OPRM1: variants seen among roughly 807,000 people sequenced by gnomAD.
OPRM1 encodes the protein mu-type opioid receptor.
In OPRM1, 27 loss-of-function variants were observed where a neutral mutation model predicts 31.8. That is an observed-to-expected ratio of 0.85 (90% CI 0.63 to 1.17). The LOEUF (loss-of-function observed/expected upper bound fraction) is 1.17, where lower values mean the gene tolerates loss of function less well. OPRM1 is among the 50% of genes most tolerant of loss of function. The pLI is 0.00. For synonymous variants in OPRM1, 196 were observed against 189.9 expected, an observed-to-expected ratio of 1.03 and a Z score of -0.26; for missense variants, 536 against 511.1, an observed-to-expected ratio of 1.05 and a Z score of -0.47.
chr6:154,229,353 T>G (rs1326931808), intron 3 of OPRM1, among the ~76,000 whole-genome samples: 1 of 147,392 alleles, frequency 6.8e-6, no homozygotes, highest in Non-Finnish European at 1.5e-5. Context: ...CCGGTTTTTT[T>G]TTTTTTTTTT....
intron 3 of OPRM1, chr6:154,107,576 G>C (rs1046690178): frequency 1.4e-6 from 1 of 718,534 alleles, no homozygotes; most frequent in South Asian, 1.5e-5. Flanking sequence ...CATTAATTTT[G>C]AGTTTGCAAA....
At chr6:154,057,496 A>G (rs1461585000) in intron 1 of OPRM1, among the ~76,000 whole-genome samples, 2 of 152,196 alleles carry the variant, frequency 1.3e-5, no homozygotes, top group African/African-American at 2.4e-5. Flanking sequence ...CACCAAGCCC[A>G]TCAATGTGAT....
At chr6:154,198,763 C>T (rs1345789824) in intron 3 of OPRM1, among the ~76,000 whole-genome samples, 2 of 152,060 alleles carry the variant, frequency 1.3e-5, no homozygotes, top group Admixed American at 1.3e-4. Flanking sequence ...AAGAAACATT[C>T]CCTGATTAGG....
chr6:154,022,095 T>C (rs1230536232), intron 1 of OPRM1, among the ~76,000 whole-genome samples: 6 of 152,246 alleles, frequency 3.9e-5, no homozygotes, highest in African/African-American at 1.2e-4. Flanking sequence ...CCATTAAGTA[T>C]GACGTTAGCT....
chr6:154,068,240 C>G (rs1390695358), intron 1 of OPRM1, among the ~76,000 whole-genome samples: 2 of 152,088 alleles, frequency 1.3e-5, no homozygotes, highest in South Asian at 4.1e-4. Context: ...ACAACATTCA[C>G]TCTCAGCATT....
chr6:154,010,959 C>G, exon 1 of OPRM1: 2 of 1,296,312 alleles, frequency 1.5e-6, no homozygotes, highest in Middle Eastern at 2.1e-4. Flanking sequence ...CTCTGATATC[C>G]TCTCACACTG....
intron 3 of OPRM1, among the ~76,000 whole-genome samples, chr6:154,229,947 T>C (rs1329493812): frequency 6.6e-6 from 1 of 152,174 alleles, no homozygotes; most frequent in African/African-American, 2.4e-5. Context: ...TTCTGCTAAG[T>C]GAAAGTGAAA....
chr6:154,231,409 C>T (rs1390865963), intron 3 of OPRM1, among the ~76,000 whole-genome samples: 2 of 152,220 alleles, frequency 1.3e-5, no homozygotes, highest in African/African-American at 2.4e-5. Context: ...TCTGTCCTAA[C>T]TATACCTTGG....
At chr6:154,108,846 C>A (rs1795997687) in intron 3 of OPRM1, 1 of 985,060 alleles carries the variant, frequency 1.0e-6, no homozygotes, top group Non-Finnish European at 1.2e-6. Context: ...AGATAAAAAA[C>A]CAAGCATACT....
Position 154,121,038 on chromosome 6 carries a change from A to G in OPRM1, c.*2317A>G, listed in dbSNP as rs1410898114. ...TTTGCTAGAACCACCTTCCAATTCCAAGGCAAGGAGAGACATTACAACCCT... is the reference window on the plus strand; with the variant it reads ...TTTGCTAGAACCACCTTCCAATTCCGAGGCAAGGAGAGACATTACAACCCT... On this transcript the variant is annotated 3_prime_UTR_variant, in exon 4 of 4. Coordinates refer to ENST00000330432, the MANE Select transcript of OPRM1 (RefSeq NM_000914.5). Among the ~76,000 whole-genome samples, 1 of 152,170 alleles carries G rather than the reference A, an allele frequency of 6.6e-6. No individual in the cohort carries two copies. Among genetic ancestry groups the G allele is most frequent in the African/African-American group, 2.4e-5 (1 of 41,458 alleles).
At chr6:154,142,488 G>A (rs1009141469) in intron 3 of OPRM1, among the ~76,000 whole-genome samples, 11 of 152,086 alleles carry the variant, frequency 7.2e-5, no homozygotes, top group African/African-American at 2.4e-4. Flanking sequence ...TACTCTTGTC[G>A]CCCTGGGATT....
rs755039601 is a variant in OPRM1, at chr6:154,090,112, A to G, written c.577A>G (p.Asn193Asp). The change falls in exon 2 of 4, where the codon AAC becomes GAC. Residue 193 changes from asparagine to aspartate, a missense_variant. By Grantham distance (23) the Asn-to-Asp change is conservative. Coordinates refer to ENST00000330432, the MANE Select transcript of OPRM1 (RefSeq NM_000914.5). Reference protein sequence around the residue: ...PRNAKIINVCNWILSSAIGLP... With the variant: ...PRNAKIINVCDWILSSAIGLP... ...AAATGCCAAAATTATCAATGTCTGCAACTGGATCCTCTCTTCAGCCATTGG... is the reference window on the plus strand; with the variant it reads ...AAATGCCAAAATTATCAATGTCTGCGACTGGATCCTCTCTTCAGCCATTGG... 1 of 1,614,174 alleles carries G rather than the reference A, an allele frequency of 6.2e-7. No homozygotes were observed. Among genetic ancestry groups the G allele is most frequent in the Admixed American group, 1.7e-5 (1 of 60,014 alleles).
At chr6:154,215,361 C>T (rs149676146) in intron 3 of OPRM1, among the ~76,000 whole-genome samples, 2 of 152,230 alleles carry the variant, frequency 1.3e-5, no homozygotes, top group African/African-American at 4.8e-5. Context: ...CCCAGCACTT[C>T]AGGAGGCCAA....
intron 3 of OPRM1, among the ~76,000 whole-genome samples, chr6:154,172,290 G>A (rs1287735723): frequency 6.6e-6 from 1 of 152,222 alleles, no homozygotes; most frequent in Admixed American, 6.5e-5. Context: ...GGACTGGTTG[G>A]ACAGTGGGTG....
chr6:154,145,279 C>T (rs1215989710), intron 3 of OPRM1, among the ~76,000 whole-genome samples: 1 of 151,944 alleles, frequency 6.6e-6, no homozygotes, highest in East Asian at 1.9e-4. Flanking sequence ...AACAAAAAAC[C>T]CTCCCAGAAC....
chr6:154,086,983 C>G (rs1366368219), intron 1 of OPRM1: 1 of 983,672 alleles, frequency 1.0e-6, no homozygotes, highest in African/African-American at 1.7e-5. Flanking sequence ...GGTTTTTGTA[C>G]TTTGGAGTAT....
At chr6:154,236,674 C>T (rs1418539564) in intron 3 of OPRM1, among the ~76,000 whole-genome samples, 3 of 152,098 alleles carry the variant, frequency 2.0e-5, no homozygotes, top group Non-Finnish European at 4.4e-5. Context: ...AGTGGCTGAC[C>T]TGCTGTTAAT....
At chr6:154,078,999 G>A (rs1402178410) in intron 1 of OPRM1, among the ~76,000 whole-genome samples, 1 of 152,206 alleles carries the variant, frequency 6.6e-6, no homozygotes, top group Non-Finnish European at 1.5e-5. Context: ...GAGGAAGAGA[G>A]GAGAGAGGAA....
intron 3 of OPRM1, chr6:154,110,300 G>T: frequency 1.1e-6 from 1 of 908,498 alleles, no homozygotes; most frequent in South Asian, 1.4e-5. Context: ...ACATTGCTAA[G>T]AATAAGCATT....
Sources: allele counts gnomAD v4.1 joint callset (sites outside exome capture counted in the v4.1 genomes callset), GRCh38; gene constraint gnomAD v4.1.1; transcripts MANE v1.5; gene names NCBI Gene and HGNC (gene_info 2026-07-23, HGNC 2026-07-21).